DYRK1A: variants seen among roughly 807,000 people sequenced by gnomAD.
DYRK1A encodes dual specificity tyrosine-phosphorylation-regulated kinase 1A.
DYRK1A carries 9 observed loss-of-function variants against 79.7 expected under a neutral mutation model. The ratio of observed to expected loss-of-function variants is 0.11; its 90% CI spans 0.07 to 0.20. DYRK1A has a LOEUF of 0.20. Ranked by LOEUF, DYRK1A falls within the 10% of genes least tolerant of loss-of-function variation. The pLI is 1.00. For missense variants in DYRK1A, 622 were observed against 956.0 expected, an observed-to-expected ratio of 0.65 and a Z score of 4.61; for synonymous variants, 349 against 329.7, an observed-to-expected ratio of 1.06 and a Z score of -0.63.
chr21:37,524,230 C>T lies in DYRK1A; in HGVS notation c.*11699C>T, dbSNP rs571556199. The T allele has an allele frequency of 4.4e-4, 67 of 151,814 alleles. No individual in the cohort carries two copies. The highest frequency in any genetic ancestry group is 1.5e-3 in the African/African-American group (60 of 41,326). The allele number at this position is 151,814 out of a possible 1,614,324, so 9.4% of individuals were successfully genotyped here. A position where few individuals can be genotyped will look rare whatever the true frequency, so the allele number is the denominator to read the frequency against. ...ATCACTTGAACCCAGGATTTGGAGACCAGCTTGGGTGGTATAGTGAGACCC... is the reference window on the plus strand; with the variant it reads ...ATCACTTGAACCCAGGATTTGGAGATCAGCTTGGGTGGTATAGTGAGACCC... On this transcript the variant is annotated 3_prime_UTR_variant, in exon 12 of 12. Transcript: ENST00000647188.
intron 1 of DYRK1A, among the ~76,000 whole-genome samples, chr21:37,368,971 C>T (rs947943977): frequency 6.6e-6 from 1 of 152,120 alleles, no homozygotes. Flanking sequence ...AGGCCTTTCC[C>T]CCCCCAAGAA....
intron 3 of DYRK1A, among the ~76,000 whole-genome samples, chr21:37,473,666 A>C (rs1395528318): frequency 7.2e-5 from 11 of 151,994 alleles, no homozygotes; most frequent in Admixed American, 7.2e-4. Flanking sequence ...TTGTGTGAGG[A>C]TAAAAGAGTT....
At chr21:37,470,422 A>G (rs928709941) in intron 2 of DYRK1A, among the ~76,000 whole-genome samples, 8 of 152,210 alleles carry the variant, frequency 5.3e-5, no homozygotes, top group Non-Finnish European at 1.5e-5. Flanking sequence ...AGAAGCTAAC[A>G]TTTTTATAAA....
intron 2 of DYRK1A, among the ~76,000 whole-genome samples, chr21:37,467,106 GAAAAAA>G (rs5843833): frequency 3.2e-4 from 42 of 130,766 alleles, no homozygotes; most frequent in African/African-American, 1.1e-3. Context: ...ATTTACAAAA[GAAAAAA>G]AAAAAAAAAC....
At chr21:37,459,022 CTG>C (rs1453556863) in intron 2 of DYRK1A, among the ~76,000 whole-genome samples, 1 of 152,184 alleles carries the variant, frequency 6.6e-6, no homozygotes, top group Non-Finnish European at 1.5e-5. Flanking sequence ...GTGTGGAGGA[CTG>C]TTTCTGATGC....
chr21:37,493,755 TA>T (rs2053170968), intron 8 of DYRK1A, among the ~76,000 whole-genome samples: 1 of 152,158 alleles, frequency 6.6e-6, no homozygotes, highest in African/African-American at 2.4e-5. Flanking sequence ...TTTTAAAAAC[TA>T]CACCTGTGGG....
At chr21:37,472,247 T>C (rs772935471) in intron 2 of DYRK1A, among the ~76,000 whole-genome samples, 7 of 152,234 alleles carry the variant, frequency 4.6e-5, no homozygotes, top group Non-Finnish European at 1.0e-4. Context: ...ATGCTGGCGA[T>C]GTTGTTTGCC....
rs368101780 is a variant in DYRK1A at position 37,511,998 on chromosome 21, A to G, written c.1732A>G (p.Thr578Ala). The change falls in exon 12 of 12, where the codon ACA becomes GCA. Residue 578 changes from threonine to alanine, a missense_variant. Thr to Ala is a moderately conservative substitution (Grantham distance 58). Coordinates refer to ENST00000647188, the MANE Select transcript of DYRK1A (RefSeq NM_001347721.2). ...VTVETHPVQE[T>A]TFHVAPQQNA... ...TGTTGAAACTCATCCTGTTCAAGAA[A>G]CAACCTTTCATGTAGCCCCTCAACA... 8.1e-6 allele frequency: 13 copies of G among 1,614,044 alleles called. No individual in the cohort carries two copies. Among genetic ancestry groups the G allele is most frequent in the Non-Finnish European group, 1.1e-5 (13 of 1,180,034 alleles).
intron 2 of DYRK1A, among the ~76,000 whole-genome samples, chr21:37,440,130 CTTTTTTTTTTTTTTTT>C (rs1164986221): frequency 1.1e-4 from 4 of 37,744 alleles, no homozygotes; most frequent in Non-Finnish European, 2.1e-4. Context: ...TTGTTTGCTC[CTTTTTTTTTTTTTTTT>C]TTTTTTTGAG....
At chr21:37,436,509 T>C (rs555503849) in intron 2 of DYRK1A, among the ~76,000 whole-genome samples, 1 of 152,292 alleles carries the variant, frequency 6.6e-6, no homozygotes, top group African/African-American at 2.4e-5. Flanking sequence ...TGTCTGATGG[T>C]TAAAGCATAG....
At chr21:37,435,029 CTG>C (rs1343663417) in intron 2 of DYRK1A, among the ~76,000 whole-genome samples, 1 of 152,188 alleles carries the variant, frequency 6.6e-6, no homozygotes, top group South Asian at 2.1e-4. Context: ...ACTACTTTAA[CTG>C]TGTTCTGCAT....
chr21:37,495,149 ATT>A (rs1260921990), intron 8 of DYRK1A, among the ~76,000 whole-genome samples: 8 of 122,108 alleles, frequency 6.6e-5, no homozygotes, highest in African/African-American at 2.2e-4. Flanking sequence ...AGCCTCTGGG[ATT>A]TTGTGTGTGT....
At chr21:37,474,919 TAAC>T (rs1180228288) in intron 3 of DYRK1A, among the ~76,000 whole-genome samples, 1 of 152,044 alleles carries the variant, frequency 6.6e-6, no homozygotes, top group African/African-American at 2.4e-5. Context: ...GCTCTCAAAA[TAAC>T]AAGAAAGGCA....
intron 2 of DYRK1A, among the ~76,000 whole-genome samples, chr21:37,457,159 C>T (rs1039999786): frequency 6.6e-6 from 1 of 151,928 alleles, no homozygotes; most frequent in Non-Finnish European, 1.5e-5. Flanking sequence ...AAACTGACTC[C>T]TGGGTTCAGG....
intron 2 of DYRK1A, among the ~76,000 whole-genome samples, chr21:37,462,141 T>C (rs1042505704): frequency 2.7e-4 from 41 of 152,202 alleles, no homozygotes; most frequent in Admixed American, 7.2e-4. Flanking sequence ...AACTTCACTC[T>C]TTCTGTCATT....
rs2053893305 is a variant in DYRK1A at position 37,517,514 on chromosome 21, C to G, written c.*4983C>G. 1 of 152,076 alleles carries G rather than the reference C, an allele frequency of 6.6e-6. No individual in the cohort carries two copies. The highest frequency in any genetic ancestry group is 6.6e-5 in the Admixed American group (1 of 15,266). 9.4% of individuals were successfully genotyped at this position (152,076 alleles called of 1,614,324 possible). On this transcript the variant is annotated 3_prime_UTR_variant, in exon 12 of 12. Coordinates refer to ENST00000647188, the MANE Select transcript of DYRK1A (RefSeq NM_001347721.2). ...TTCCATTATATACTCATTCATTAGT[C>G]AGTGTACTTGCCCCTGAATTCCATA...
At chr21:37,432,998 AT>A (rs1252509455) in intron 2 of DYRK1A, among the ~76,000 whole-genome samples, 1 of 149,956 alleles carries the variant, frequency 6.7e-6, no homozygotes, top group African/African-American at 2.4e-5. Context: ...AAAGTTAATG[AT>A]TAATTGTATA....
At chr21:37,505,812 A>T (rs891364851) in intron 10 of DYRK1A, among the ~76,000 whole-genome samples, 7 of 152,222 alleles carry the variant, frequency 4.6e-5, no homozygotes, top group African/African-American at 1.7e-4. Flanking sequence ...CTGTTTACTA[A>T]CCAGCATTTT....
intron 2 of DYRK1A, among the ~76,000 whole-genome samples, chr21:37,472,024 C>CT (rs928486128): frequency 1.1e-4 from 16 of 152,126 alleles, no homozygotes; most frequent in African/African-American, 3.6e-4. Context: ...ATGGTTCATC[C>CT]TACCCGTAGG....
Sources: gnomAD v4.1 joint callset for allele counts (sites outside exome capture counted in the v4.1 genomes callset) on GRCh38, gnomAD v4.1.1 for gene constraint, MANE v1.5 for transcripts, NCBI Gene and HGNC (gene_info 2026-07-23, HGNC 2026-07-21) for gene names.